Variants in SERPINI1 observed in about 807,000 individuals in gnomAD.
SERPINI1 encodes serpin family I member 1.
Under a neutral mutation model 41.1 loss-of-function variants are expected in SERPINI1, and 19 were observed. The observed-to-expected ratio is 0.46, with a 90% CI of 0.32 to 0.68. The LOEUF is 0.68. Ranked by LOEUF, SERPINI1 falls within the 30% of genes least tolerant of loss-of-function variation. The pLI is 0.03. For missense variants in SERPINI1, 460 were observed against 479.2 expected (o/e 0.96, Z 0.37); for synonymous variants, 138 against 156.6 (o/e 0.88, Z 0.89).
At chr3:167,794,550 T>G in intron 4 of SERPINI1, 70 bp from the exon 5 acceptor site, 1 of 1,310,906 alleles carries the variant, frequency 7.6e-7, no homozygotes, top group Non-Finnish European at 1.1e-6. Context: ...ATATGTAGTC[T>G]TTCATCTCTC....
rs1200085183 is a variant in SERPINI1 at position 167,744,673 on chromosome 3, TATAA to T, written c.-19+8854_-19+8857del. Among the ~76,000 whole-genome samples the T allele has an allele frequency of 3.5e-4, 38 of 107,808 alleles. 1 individual carries two copies. The highest frequency in any genetic ancestry group is 1.4e-4 in the Non-Finnish European group (8 of 56,296). The allele number at this position is 107,808 out of a possible 152,430, so 70.7% of individuals were successfully genotyped here. A position where few individuals can be genotyped will look rare whatever the true frequency, so the allele number is the denominator to read the frequency against. On this transcript the variant is annotated intron_variant, in intron 1 of 8. Coordinates refer to ENST00000446050, the MANE Select transcript of SERPINI1 (RefSeq NM_001122752.2). ...ATATATATAAATATAAAAATATATA[TATAA>T]ATATATATATAAACATATATAAATA... is the stretch of plus-strand genomic sequence containing the variant.
At chr3:167,752,659 T>C (rs1019181432) in intron 1 of SERPINI1, among the ~76,000 whole-genome samples, 1 of 151,996 alleles carries the variant, frequency 6.6e-6, no homozygotes, top group Non-Finnish European at 1.5e-5. Context: ...ACTTTATAAA[T>C]TATACTGTGT....
intron 4 of SERPINI1, among the ~76,000 whole-genome samples, chr3:167,794,399 T>G (rs1009366941): frequency 5.3e-5 from 8 of 152,248 alleles, no homozygotes; most frequent in African/African-American, 1.9e-4. Flanking sequence ...ATAACAAATT[T>G]AAACCTTTTT....
rs71176662 is a variant in SERPINI1 at position 167,786,507 on chromosome 3, CAA to C, written c.-18-2585_-18-2584del. On this transcript the variant is annotated intron_variant, in intron 1 of 8. Coordinates refer to ENST00000446050, the MANE Select transcript of SERPINI1 (RefSeq NM_001122752.2). ...TGGGCGACAGAGGGAGACTCCGTCT[CAA>C]AAAAAAAAAAAAAAAAAAGACTTAA... is the stretch of plus-strand genomic sequence containing the variant. Among the ~76,000 whole-genome samples the C allele has an allele frequency of 4.3e-3, 320 of 75,164 alleles. 1 individual carries two copies. The highest frequency in any genetic ancestry group is 0.015 in the African/African-American group (297 of 20,140). The allele number at this position is 75,164 out of a possible 152,430, so 49.3% of individuals were successfully genotyped here.
intron 6 of SERPINI1, among the ~76,000 whole-genome samples, chr3:167,809,752 A>G (rs564121234): frequency 5.3e-5 from 8 of 152,310 alleles, no homozygotes; most frequent in African/African-American, 1.9e-4. Context: ...TAGTTGACAC[A>G]CAGTGAATGT....
chr3:167,736,591 C>T (rs1725453044), intron 1 of SERPINI1, among the ~76,000 whole-genome samples: 2 of 152,082 alleles, frequency 1.3e-5, no homozygotes, highest in African/African-American at 2.4e-5. Flanking sequence ...ACATGGAAAG[C>T]TGTGTGGGAA....
intron 1 of SERPINI1, among the ~76,000 whole-genome samples, chr3:167,786,967 A>T (rs529231809): frequency 6.6e-6 from 1 of 152,222 alleles, no homozygotes; most frequent in Non-Finnish European, 1.5e-5. Context: ...CAGACACATC[A>T]TACAGCTGTA....
chr3:167,818,781 C>T (rs1186234825), intron 6 of SERPINI1, among the ~76,000 whole-genome samples: 1 of 152,172 alleles, frequency 6.6e-6, no homozygotes, highest in South Asian at 2.1e-4. Flanking sequence ...ATTTGGGACA[C>T]AGGCTAGTAA....
intron 1 of SERPINI1, among the ~76,000 whole-genome samples, chr3:167,760,703 C>T (rs180972175): frequency 7.0e-4 from 106 of 152,068 alleles, no homozygotes; most frequent in South Asian, 2.3e-3. Context: ...CCAAAGATTA[C>T]GCAATTCAGA....
intron 3 of SERPINI1, among the ~76,000 whole-genome samples, chr3:167,791,191 T>A (rs1015666134): frequency 6.6e-6 from 1 of 152,154 alleles, no homozygotes; most frequent in Non-Finnish European, 1.5e-5. Context: ...TGTTTCATAT[T>A]TTAGCATTTT....
At chr3:167,750,005 A>G (rs1725994231) in intron 1 of SERPINI1, among the ~76,000 whole-genome samples, 1 of 152,220 alleles carries the variant, frequency 6.6e-6, no homozygotes, top group South Asian at 2.1e-4. Context: ...ACCTTCAGGC[A>G]TAAGAAAGAG....
chr3:167,777,728 A>AT (rs1727004497), intron 1 of SERPINI1, among the ~76,000 whole-genome samples: 1 of 152,208 alleles, frequency 6.6e-6, no homozygotes, highest in African/African-American at 2.4e-5. Flanking sequence ...TTGGCACTAC[A>AT]TATTCTCTTA....
chr3:167,798,332 C>T (rs1431199047), intron 5 of SERPINI1, among the ~76,000 whole-genome samples: 1 of 152,152 alleles, frequency 6.6e-6, no homozygotes, highest in East Asian at 1.9e-4. Context: ...CATAAATTCT[C>T]CCTGTACATG....
intron 1 of SERPINI1, among the ~76,000 whole-genome samples, chr3:167,759,676 T>C (rs990735698): frequency 1.3e-5 from 2 of 152,038 alleles, no homozygotes; most frequent in Non-Finnish European, 2.9e-5. Context: ...TTGGATACAA[T>C]GTTCACTATT....
chr3:167,815,453 A>G (rs1712047406), intron 6 of SERPINI1, among the ~76,000 whole-genome samples: 1 of 151,078 alleles, frequency 6.6e-6, no homozygotes. Flanking sequence ...GCAGTGGCAC[A>G]ATCTTGGCTC....
intron 5 of SERPINI1, 64 bp downstream of exon 5, chr3:167,794,888 C>T (rs1480007431): frequency 7.4e-7 from 1 of 1,344,282 alleles, no homozygotes; most frequent in Non-Finnish European, 1.1e-6. Flanking sequence ...AAAATCTGAC[C>T]CAGAAAAACT....
chr3:167,757,484 C>T (rs1726228482), intron 1 of SERPINI1, among the ~76,000 whole-genome samples: 1 of 151,522 alleles, frequency 6.6e-6, no homozygotes, highest in African/African-American at 2.4e-5. Context: ...TTAAAGGAGC[C>T]TCAATTAGTG....
intron 6 of SERPINI1, among the ~76,000 whole-genome samples, chr3:167,818,916 G>A (rs1381548528): frequency 6.6e-6 from 1 of 152,104 alleles, no homozygotes; most frequent in Non-Finnish European, 1.5e-5. Flanking sequence ...TGTCTTTGAG[G>A]AGAACCCCTT....
intron 1 of SERPINI1, among the ~76,000 whole-genome samples, chr3:167,762,412 C>T (rs1026941792): frequency 1.5e-4 from 23 of 152,168 alleles, no homozygotes; most frequent in Admixed American, 2.0e-4. Flanking sequence ...CTTGACTACT[C>T]CCTTCTCCAC....
Sources: gnomAD v4.1 joint callset for allele counts (sites outside exome capture counted in the v4.1 genomes callset) on GRCh38, gnomAD v4.1.1 for gene constraint, MANE v1.5 for transcripts, NCBI Gene and HGNC (gene_info 2026-07-23, HGNC 2026-07-21) for gene names.